The following SEC31A variants were observed in gnomAD, a reference collection of about 807,000 sequenced individuals.
SEC31A encodes the protein SEC31 homolog A, COPII component, also known as protein transport protein Sec31A.
In SEC31A, 70 loss-of-function variants were observed where a neutral mutation model predicts 151.0. The ratio of observed to expected loss-of-function variants is 0.46; its 90% CI spans 0.38 to 0.57. The LOEUF (loss-of-function observed/expected upper bound fraction) is 0.57, where lower values mean the gene tolerates loss of function less well. Ranked by LOEUF, SEC31A falls within the 20% of genes least tolerant of loss-of-function variation. The probability of loss-of-function intolerance (pLI) is 0.00; values close to 1 mark genes in which losing one functional copy is unlikely to be tolerated. For missense variants in SEC31A, 1,330 were observed against 1,471.2 expected (o/e 0.90, Z 1.57); for synonymous variants, 475 against 505.9 (o/e 0.94, Z 0.82).
At position 82,862,502 on chromosome 4, in the gene SEC31A, T is replaced by C. The variant is rs549935605; in HGVS notation, c.1548+32A>G. ...CTTCGTTATGACCTAGCCAAAGTTT[T>C]AGAAGGTAGCTATTTTTAAAGGCCT... is the stretch of plus-strand genomic sequence containing the variant. On this transcript the variant is annotated intron_variant, in intron 13 of 26. Transcript: ENST00000395310. 289 of 1,589,540 alleles carry C rather than the reference T, an allele frequency of 1.8e-4. 3 individuals carry two copies. In the South Asian group the frequency reaches 3.0e-3, roughly 17 times the overall value.
chr4:82,869,365 C>T (rs988909063), intron 8 of SEC31A, among the ~76,000 whole-genome samples: 6 of 150,914 alleles, frequency 4.0e-5, no homozygotes, highest in African/African-American at 4.9e-5. Flanking sequence ...CTCCTGACCT[C>T]GTGCTCTGCC....
Position 82,821,113 on chromosome 4 carries a change from A to C in SEC31A, c.3412-5T>G. The C allele has an allele frequency of 6.2e-7, 1 of 1,612,464 alleles. No homozygotes were observed. The highest frequency in any genetic ancestry group is 8.5e-7 in the Non-Finnish European group (1 of 1,178,588). Reference sequence around the variant, plus strand: ...ATCTAGCTTCCTCTTGGTTTGCTGCAGGAAAGAAAAAATAGATGTTATATT... The same window carrying C: ...ATCTAGCTTCCTCTTGGTTTGCTGCCGGAAAGAAAAAATAGATGTTATATT... On this transcript the variant is annotated splice_polypyrimidine_tract_variant and splice_region_variant and intron_variant, in intron 25 of 26. Transcript: ENST00000395310.
At position 82,870,429 on chromosome 4, in the gene SEC31A, A is replaced by G; in HGVS notation, c.783-5T>C. ...CAAGCAATTGCCAAAATCCCCCTAT[A>G]AAAAACATAAAGGAACAAGGAAATT... On this transcript the variant is annotated splice_polypyrimidine_tract_variant and splice_region_variant and intron_variant, in intron 7 of 26. Coordinates refer to ENST00000395310, the MANE Select transcript of SEC31A (RefSeq NM_001077207.4). 1 of 1,606,234 alleles carries G rather than the reference A, an allele frequency of 6.2e-7. No homozygotes were observed.
At chr4:82,882,411 A>C (rs1739593852) in intron 1 of SEC31A, among the ~76,000 whole-genome samples, 1 of 23,994 alleles carries the variant, frequency 4.2e-5, no homozygotes, top group African/African-American at 6.0e-5. Context: ...CAAAAAAAAA[A>C]AAAAAAAAAA....
chr4:82,862,828 A>AT (rs1244870661), intron 12 of SEC31A, among the ~76,000 whole-genome samples: 5 of 152,374 alleles, frequency 3.3e-5, no homozygotes, highest in Non-Finnish European at 7.3e-5. Context: ...TAAAACTTTC[A>AT]TATCAATCTC....
intron 22 of SEC31A, among the ~76,000 whole-genome samples, chr4:82,838,864 T>C (rs1456243849): frequency 3.3e-5 from 5 of 152,244 alleles, no homozygotes; most frequent in East Asian, 1.9e-4. Context: ...TGTTCACTAA[T>C]AGAAGGCTTG....
intron 2 of SEC31A, 40 bp from the exon 3 acceptor site, chr4:82,880,962 TA>T (rs1316613618): frequency 5.9e-6 from 9 of 1,534,918 alleles, no homozygotes; most frequent in Non-Finnish European, 8.0e-6. Flanking sequence ...CACACAAAAA[TA>T]AAAGATCAGA....
intron 22 of SEC31A, among the ~76,000 whole-genome samples, chr4:82,829,983 T>G (rs1342074671): frequency 6.6e-6 from 1 of 152,238 alleles, no homozygotes; most frequent in Non-Finnish European, 1.5e-5. Flanking sequence ...GAAACTTTTG[T>G]GTATGTATAT....
intron 22 of SEC31A, chr4:82,831,425 G>C (rs1725909453): frequency 6.5e-6 from 1 of 152,794 alleles, no homozygotes; most frequent in African/African-American, 2.4e-5. Flanking sequence ...ATCAGCTATG[G>C]ATCTTGTTAA....
At chr4:82,884,412 T>C (rs1434651160) in intron 1 of SEC31A, among the ~76,000 whole-genome samples, 1 of 152,252 alleles carries the variant, frequency 6.6e-6, no homozygotes, top group East Asian at 1.9e-4. Context: ...ATATGCTTTA[T>C]CTTTTAGAGT....
chr4:82,890,954 C>A, intron 1 of SEC31A, 134 bp downstream of exon 1: 1 of 1,445,600 alleles, frequency 6.9e-7, no homozygotes, highest in Non-Finnish European at 9.1e-7. Context: ...ACTAGGGGCG[C>A]GCCGTCACCA....
intron 17 of SEC31A, 42 bp downstream of exon 17, chr4:82,854,861 C>G (rs976700633): frequency 2.3e-5 from 35 of 1,546,688 alleles, no homozygotes; most frequent in Non-Finnish European, 3.1e-5. Context: ...ATATACCCTG[C>G]CACGTATGTA....
intron 16 of SEC31A, 103 bp downstream of exon 16, chr4:82,856,849 A>G: frequency 1.0e-6 from 1 of 976,724 alleles, no homozygotes; most frequent in Non-Finnish European, 1.5e-6. Flanking sequence ...GAGCTTTTAA[A>G]ATTCTTTACT....
chr4:82,869,009 T>C (rs540654728), intron 8 of SEC31A, among the ~76,000 whole-genome samples: 2 of 152,310 alleles, frequency 1.3e-5, no homozygotes, highest in South Asian at 4.1e-4. Flanking sequence ...GAAAAGGTAT[T>C]TAGCCTGCTC....
upstream of SEC31A, among the ~76,000 whole-genome samples, chr4:82,891,459 G>A (rs770103004): frequency 1.3e-5 from 2 of 152,214 alleles, no homozygotes; most frequent in African/African-American, 2.4e-5. Flanking sequence ...AGTGCAGAGG[G>A]TGTCCCCGTC....
At chr4:82,885,900 T>C (rs893947920) in intron 1 of SEC31A, among the ~76,000 whole-genome samples, 2 of 152,214 alleles carry the variant, frequency 1.3e-5, no homozygotes, top group Admixed American at 6.5e-5. Context: ...GAGTTTATCC[T>C]CTAACATTTT....
chr4:82,862,617 C>T, intron 12 of SEC31A, 45 bp from the exon 13 acceptor site: 1 of 1,538,688 alleles, frequency 6.5e-7, no homozygotes, highest in East Asian at 2.2e-5. Context: ...AATTCTATTT[C>T]AGAGCATCCA....
intron 2 of SEC31A, among the ~76,000 whole-genome samples, chr4:82,881,266 C>T (rs1164765784): frequency 6.6e-6 from 1 of 152,046 alleles, no homozygotes; most frequent in African/African-American, 2.4e-5. Context: ...GAGATCAAGA[C>T]CATCCTGGCT....
intron 26 of SEC31A, among the ~76,000 whole-genome samples, chr4:82,820,788 T>G (rs1261390641): frequency 6.6e-6 from 1 of 152,152 alleles, no homozygotes; most frequent in Non-Finnish European, 1.5e-5. Context: ...GGCCAGTTTG[T>G]ATTTATACTC....
Sources: gnomAD v4.1 joint callset for allele counts (sites outside exome capture counted in the v4.1 genomes callset) on GRCh38, gnomAD v4.1.1 for gene constraint, MANE v1.5 for transcripts, NCBI Gene and HGNC (gene_info 2026-07-23, HGNC 2026-07-21) for gene names.